FARS2: variants seen among roughly 807,000 people sequenced by gnomAD.
FARS2 encodes phenylalanine--tRNA ligase, mitochondrial.
Under a neutral mutation model 46.4 loss-of-function variants are expected in FARS2, and 40 were observed. That is an observed-to-expected ratio of 0.86 (90% CI 0.67 to 1.12). The LOEUF is 1.12. FARS2 is among the 50% of genes most tolerant of loss of function. The pLI is 0.00. For missense variants in FARS2, 513 were observed against 567.9 expected (o/e 0.90, Z 0.98); for synonymous variants, 234 against 214.9 (o/e 1.09, Z -0.78).
intron 4 of FARS2, among the ~76,000 whole-genome samples, chr6:5,441,672 C>T (rs981274436): frequency 3.9e-5 from 6 of 152,276 alleles, no homozygotes; most frequent in Admixed American, 1.3e-4. Context: ...TGCTTGGTTA[C>T]GATTTTCTTT....
chr6:5,318,051 G>A (rs1769664956), intron 1 of FARS2, among the ~76,000 whole-genome samples: 1 of 151,936 alleles, frequency 6.6e-6, no homozygotes, highest in Non-Finnish European at 1.5e-5. Flanking sequence ...CCACCTTTGG[G>A]TCTGATTTTG....
intron 1 of FARS2, among the ~76,000 whole-genome samples, chr6:5,342,182 A>C (rs962761758): frequency 6.6e-6 from 1 of 152,216 alleles, no homozygotes; most frequent in Non-Finnish European, 1.5e-5. Context: ...TCAAATATTA[A>C]AAGATAGATA....
intron 6 of FARS2, among the ~76,000 whole-genome samples, chr6:5,707,905 G>C (rs1308588426): frequency 1.3e-5 from 2 of 152,242 alleles, no homozygotes; most frequent in Admixed American, 6.5e-5. Flanking sequence ...GGGTGCCGCC[G>C]TGGGAGCCCG....
chr6:5,465,554 C>T (rs553801869), intron 4 of FARS2, among the ~76,000 whole-genome samples: 3 of 152,252 alleles, frequency 2.0e-5, no homozygotes, highest in South Asian at 4.1e-4. Flanking sequence ...TTTTTAAAGA[C>T]CCCCTGGTCT....
intron 4 of FARS2, among the ~76,000 whole-genome samples, chr6:5,492,470 T>C (rs1767180837): frequency 6.6e-6 from 1 of 152,250 alleles, no homozygotes; most frequent in African/African-American, 2.4e-5. Flanking sequence ...TTACTATTTA[T>C]TGCTGGTTTT....
intron 6 of FARS2, among the ~76,000 whole-genome samples, chr6:5,702,870 G>C (rs1758527218): frequency 6.6e-6 from 1 of 152,106 alleles, no homozygotes; most frequent in Non-Finnish European, 1.5e-5. Context: ...CAGGGTCTTG[G>C]GGGGACTTAT....
At chr6:5,521,697 A>G (rs759877372) in intron 4 of FARS2, among the ~76,000 whole-genome samples, 1 of 152,222 alleles carries the variant, frequency 6.6e-6, no homozygotes, top group African/African-American at 2.4e-5. Flanking sequence ...AGTCTTAATT[A>G]TAGGGACTTG....
At chr6:5,492,352 A>G (rs1273064896) in intron 4 of FARS2, among the ~76,000 whole-genome samples, 1 of 152,250 alleles carries the variant, frequency 6.6e-6, no homozygotes, top group Non-Finnish European at 1.5e-5. Flanking sequence ...AACTCAATAC[A>G]GGACTGATTT....
At chr6:5,521,992 A>G (rs957985815) in intron 4 of FARS2, among the ~76,000 whole-genome samples, 2 of 152,206 alleles carry the variant, frequency 1.3e-5, no homozygotes, top group Non-Finnish European at 2.9e-5. Flanking sequence ...TTCAGAGGTT[A>G]TGTAACTCTT....
At chr6:5,702,644 A>G (rs2150886546) in intron 6 of FARS2, among the ~76,000 whole-genome samples, 1 of 152,352 alleles carries the variant, frequency 6.6e-6, no homozygotes, top group African/African-American at 2.4e-5. Flanking sequence ...TCCCTAAGTC[A>G]TAGTTGGGGA....
At chr6:5,738,835 G>A (rs1022019301) in intron 6 of FARS2, among the ~76,000 whole-genome samples, 1 of 152,074 alleles carries the variant, frequency 6.6e-6, no homozygotes, top group Non-Finnish European at 1.5e-5. Context: ...AGAGTTGCGT[G>A]TGTATCGTTG....
rs1228904491 is a variant in FARS2 at position 5,471,348 on chromosome 6, T to G, written c.904+40176T>G. The stretch of plus-strand genomic sequence containing the variant: ...TAAGAGGGAATTTCCTGAGACTCCA[T>G]AGCAAGAGTCAGAATTTCAGCAAAA... On this transcript the variant is annotated intron_variant, in intron 4 of 6. Transcript: ENST00000274680. This position sits in a 1 kb window ranked among gnomAD's most constrained non-coding sequence, Gnocchi z 4.1. Among the ~76,000 whole-genome samples, 1 of 152,208 alleles carries G rather than the reference T, an allele frequency of 6.6e-6. No homozygotes were observed. The highest frequency in any genetic ancestry group is 1.5e-5 in the Non-Finnish European group (1 of 68,044).
chr6:5,757,492 T>G (rs1186069660), intron 6 of FARS2, among the ~76,000 whole-genome samples: 1 of 152,168 alleles, frequency 6.6e-6, no homozygotes, highest in Non-Finnish European at 1.5e-5. Flanking sequence ...CCAACCCACT[T>G]GCCCCAAGCA....
chr6:5,714,859 T>C (rs1482394114), intron 6 of FARS2, among the ~76,000 whole-genome samples: 1 of 152,076 alleles, frequency 6.6e-6, no homozygotes, highest in African/African-American at 2.4e-5. Flanking sequence ...ACCCCATGTC[T>C]ACTAAAAATA....
intron 6 of FARS2, among the ~76,000 whole-genome samples, chr6:5,731,725 G>T (rs184098562): frequency 6.6e-6 from 1 of 152,260 alleles, no homozygotes; most frequent in Non-Finnish European, 1.5e-5. Flanking sequence ...GGGACACGCT[G>T]TTTGATCTCT....
intron 5 of FARS2, among the ~76,000 whole-genome samples, chr6:5,573,705 G>C (rs1396702660): frequency 6.6e-6 from 1 of 152,068 alleles, no homozygotes; most frequent in Non-Finnish European, 1.5e-5. Flanking sequence ...ACGTTTAAGT[G>C]CCTTCTTTAT....
At chr6:5,374,482 A>G (rs1759254308) in intron 2 of FARS2, among the ~76,000 whole-genome samples, 1 of 152,130 alleles carries the variant, frequency 6.6e-6, no homozygotes, top group African/African-American at 2.4e-5. Flanking sequence ...TCTAAAATTA[A>G]TAGCCTTTCC....
chr6:5,592,296 G>T (rs555296612), intron 5 of FARS2, among the ~76,000 whole-genome samples: 84 of 151,580 alleles, frequency 5.5e-4, no homozygotes, highest in Admixed American at 8.5e-4. Flanking sequence ...TGAGGTCAGG[G>T]AATCACTTGA....
At chr6:5,440,743 T>A (rs1438920740) in intron 4 of FARS2, among the ~76,000 whole-genome samples, 1 of 152,174 alleles carries the variant, frequency 6.6e-6, no homozygotes, top group African/African-American at 2.4e-5. Flanking sequence ...CAGGCTGGAC[T>A]TGAGCTCCTG....
Sources: gnomAD v4.1 joint callset for allele counts (sites outside exome capture counted in the v4.1 genomes callset) on GRCh38, gnomAD v4.1.1 for gene constraint, Gnocchi (gnomAD v3.1) non-coding constraint, MANE v1.5 for transcripts, NCBI Gene and HGNC (gene_info 2026-07-23, HGNC 2026-07-21) for gene names.